WDR72: variants seen among roughly 807,000 people sequenced by gnomAD.
WDR72 encodes WD repeat-containing protein 72.
In WDR72, 120 loss-of-function variants were observed where a neutral mutation model predicts 124.2. The observed-to-expected ratio is 0.97, with a 90% CI of 0.83 to 1.12. The LOEUF is 1.12. WDR72 is among the 50% of genes most tolerant of loss of function. The pLI, the probability that WDR72 is intolerant of heterozygous loss-of-function variation, is 0.00. For missense variants in WDR72, 1,387 were observed against 1,278.8 expected (o/e 1.08, Z -1.29); for synonymous variants, 452 against 441.7 (o/e 1.02, Z -0.29).
chr15:53,517,865 G>A, intron 19 of WDR72, 111 bp from the exon 20 acceptor site: 1 of 990,864 alleles, frequency 1.0e-6, no homozygotes, highest in East Asian at 2.4e-5. Context: ...ATACAGAAAG[G>A]AAGAAGGGAG....
At chr15:53,644,883 G>A (rs536447673) in intron 14 of WDR72, among the ~76,000 whole-genome samples, 2 of 152,170 alleles carry the variant, frequency 1.3e-5, no homozygotes, top group Admixed American at 1.3e-4. Flanking sequence ...CTAATGGCAC[G>A]GGCAATCATG....
intron 18 of WDR72, among the ~76,000 whole-genome samples, chr15:53,553,235 G>C (rs924323090): frequency 6.6e-6 from 1 of 152,146 alleles, no homozygotes; most frequent in African/African-American, 2.4e-5. Flanking sequence ...CTTTGACCTA[G>C]CAGATAAAAG....
At chr15:53,756,377 C>A (rs1327836889) in intron 1 of WDR72, among the ~76,000 whole-genome samples, 1 of 152,180 alleles carries the variant, frequency 6.6e-6, no homozygotes, top group Non-Finnish European at 1.5e-5. Context: ...AACCTCTTTT[C>A]TTTATAAATT....
chr15:53,576,784 C>A (rs780967167), intron 18 of WDR72, among the ~76,000 whole-genome samples: 12 of 152,144 alleles, frequency 7.9e-5, no homozygotes, highest in Non-Finnish European at 1.8e-4. Context: ...TCACTAGCTG[C>A]TATCAGCTCC....
intron 18 of WDR72, among the ~76,000 whole-genome samples, chr15:53,584,643 C>T (rs1041896019): frequency 3.9e-5 from 6 of 151,986 alleles, no homozygotes; most frequent in South Asian, 2.1e-4. Flanking sequence ...AAGTGTCTTG[C>T]ATCTCTTAAA....
At chr15:53,554,525 C>G (rs1893855891) in intron 18 of WDR72, among the ~76,000 whole-genome samples, 1 of 152,104 alleles carries the variant, frequency 6.6e-6, no homozygotes, top group African/African-American at 2.4e-5. Flanking sequence ...TAGTAAGCAT[C>G]ATTGTGTTGT....
intron 18 of WDR72, among the ~76,000 whole-genome samples, chr15:53,559,081 T>C (rs1046648351): frequency 2.0e-5 from 3 of 151,974 alleles, no homozygotes; most frequent in South Asian, 4.1e-4. Flanking sequence ...CACAGAAATA[T>C]AGCCCAAAAG....
chr15:53,514,382 T>G lies in WDR72; in HGVS notation c.*3317A>C, dbSNP rs1343604557. 7 of 152,178 alleles carry G rather than the reference T, an allele frequency of 4.6e-5. No homozygotes were observed. Among genetic ancestry groups the G allele is most frequent in the Non-Finnish European group, 1.0e-4 (7 of 68,028 alleles). The allele number at this position is 152,178 out of a possible 1,614,324, so 9.4% of individuals were successfully genotyped here. A position where few individuals can be genotyped will look rare whatever the true frequency, so the allele number is the denominator to read the frequency against. Reference sequence around the variant, plus strand: ...GTTGGAATTAATGTAACCTGAACTTTCATTTTAAATACATGGCATAAAATT... The same window carrying G: ...GTTGGAATTAATGTAACCTGAACTTGCATTTTAAATACATGGCATAAAATT... On this transcript the variant is annotated 3_prime_UTR_variant, in exon 20 of 20. Coordinates refer to ENST00000360509, the MANE Select transcript of WDR72 (RefSeq NM_182758.4).
In WDR72 at chr15:53,657,156, C is replaced by T. The variant is rs950716956; in HGVS notation, c.1962+8416G>A. Among the ~76,000 whole-genome samples the T allele has an allele frequency of 2.7e-4, 40 of 146,310 alleles. No homozygotes were observed. The East Asian group carries it at 3.8e-3, about 14-fold the overall frequency. On this transcript the variant is annotated intron_variant, in intron 14 of 19. Coordinates refer to ENST00000360509, the MANE Select transcript of WDR72 (RefSeq NM_182758.4). ...GCATGCACTTGTAGTCCCAGCTACT[C>T]GGGAGGGTGAGGCAGGAGAATCACT...
rs776671850 is a variant in WDR72, at chr15:53,705,995, A to C, written c.1034T>G (p.Val345Gly). Residue 345 changes from valine to glycine, a missense_variant, in exon 10 of 20, where the codon GTC becomes GGC. Physicochemically the swap from Val to Gly is moderately radical, Grantham distance 109. Transcript: ENST00000360509. ...GTGCCACAAAGTAATTCTTCCTGAG[A>C]CTTCTCCAGAGAAAAGTACCTTGTA... ...PFYKVLFSGE[V>G]SGRITLWHIP... The C allele has an allele frequency of 1.2e-6, 2 of 1,614,072 alleles. No homozygotes were observed. Among genetic ancestry groups the C allele is most frequent in the Non-Finnish European group, 1.7e-6 (2 of 1,180,000 alleles).
intron 14 of WDR72, among the ~76,000 whole-genome samples, chr15:53,650,349 C>A (rs1205769225): frequency 1.3e-5 from 2 of 152,124 alleles, no homozygotes; most frequent in African/African-American, 4.8e-5. Flanking sequence ...ATCTGCTGTA[C>A]AACACTGTAC....
At chr15:53,605,306 G>A (rs7171226) in intron 17 of WDR72, among the ~76,000 whole-genome samples, 21,490 of 151,998 alleles carry the variant, frequency 0.14, 2,408 homozygotes, top group African/African-American at 0.31. Context: ...ACTTGAACAC[G>A]TAGAAGGGAA....
chr15:53,677,208 C>T (rs1168029701), intron 13 of WDR72, among the ~76,000 whole-genome samples: 3 of 152,156 alleles, frequency 2.0e-5, no homozygotes, highest in Non-Finnish European at 2.9e-5. Flanking sequence ...ACGTGAGCCA[C>T]CGTGCCCAGC....
intron 13 of WDR72, among the ~76,000 whole-genome samples, chr15:53,681,819 T>A (rs1425403685): frequency 1.3e-5 from 2 of 151,990 alleles, no homozygotes; most frequent in Non-Finnish European, 2.9e-5. Context: ...TGGAGTTGAA[T>A]AATATCTCAA....
chr15:53,665,574 T>C lies in WDR72; in HGVS notation c.1960A>G (p.Lys654Glu), dbSNP rs768657525. 14 of 1,613,646 alleles carry C rather than the reference T, an allele frequency of 8.7e-6. No individual in the cohort carries two copies. The highest frequency in any genetic ancestry group is 1.1e-5 in the Non-Finnish European group (13 of 1,179,772). The change falls in exon 14 of 20, where the codon AAG becomes GAG. Residue 654 changes from lysine to glutamate, a missense_variant and splice_region_variant. Coordinates refer to ENST00000360509, the MANE Select transcript of WDR72 (RefSeq NM_182758.4). Reference protein sequence around the residue: ...CPGLQVESSCKVTDAKFCPRP... With the variant: ...CPGLQVESSCEVTDAKFCPRP... ...ACAACAGCTTGATTTGAACTTACCTTACATGAAGACTCCACCTGCAGACCA... is the reference window on the plus strand; with the variant it reads ...ACAACAGCTTGATTTGAACTTACCTCACATGAAGACTCCACCTGCAGACCA...
At chr15:53,587,700 G>A (rs546850205) in intron 18 of WDR72, among the ~76,000 whole-genome samples, 7 of 152,080 alleles carry the variant, frequency 4.6e-5, no homozygotes, top group African/African-American at 1.7e-4. Flanking sequence ...TCATTCTAAT[G>A]AGAAGAAACA....
intron 17 of WDR72, among the ~76,000 whole-genome samples, chr15:53,607,893 G>C (rs1359951279): frequency 1.3e-5 from 2 of 152,000 alleles, no homozygotes; most frequent in Admixed American, 6.6e-5. Context: ...AGAATAAACA[G>C]GCATATGCAA....
intron 18 of WDR72, among the ~76,000 whole-genome samples, chr15:53,524,658 T>C (rs1282781379): frequency 6.6e-6 from 1 of 152,130 alleles, no homozygotes; most frequent in Non-Finnish European, 1.5e-5. Context: ...TTCTAGATTG[T>C]TTCACCAACT....
In WDR72 at chr15:53,711,427, G is replaced by T. The variant is rs886051302; in HGVS notation, c.766C>A (p.Gln256Lys). The change falls in exon 8 of 20, where the codon CAG (glutamine) becomes AAG (lysine). Residue 256 changes from glutamine to lysine, a missense_variant. Transcript: ENST00000360509. ...ATCACTTCTCCACCAGCAAAGAACT[G>T]CCCATTTCTACTAACTTCAGTCAGC... ...LLLTEVSRNG[Q>K]FFAGGEVIAA... is the part of the protein sequence containing the mutation. 6.2e-7 allele frequency: 1 copy of T among 1,613,972 alleles called. No homozygotes were observed. The highest frequency in any genetic ancestry group is 1.7e-5 in the Admixed American group (1 of 59,970).
Sources: allele counts gnomAD v4.1 joint callset (sites outside exome capture counted in the v4.1 genomes callset), GRCh38; gene constraint gnomAD v4.1.1; transcripts MANE v1.5; gene names NCBI Gene and HGNC (gene_info 2026-07-23, HGNC 2026-07-21).